Variants in CCSER1 observed in about 807,000 individuals in gnomAD.
CCSER1 encodes coiled-coil serine rich protein 1.
In CCSER1, 41 loss-of-function variants were observed where a neutral mutation model predicts 82.0. The observed-to-expected ratio is 0.50, with a 90% confidence interval of 0.39 to 0.65. CCSER1 has a LOEUF of 0.65. Ranked by LOEUF, CCSER1 falls within the 30% of genes least tolerant of loss-of-function variation. CCSER1 has a pLI of 0.00. For missense variants in CCSER1, 1,119 were observed against 1,064.2 expected (o/e 1.05, Z -0.72); for synonymous variants, 414 against 383.9 (o/e 1.08, Z -0.92).
chr4:90,181,712 G>A (rs930114824), intron 1 of CCSER1, among the ~76,000 whole-genome samples: 3 of 152,226 alleles, frequency 2.0e-5, no homozygotes, highest in South Asian at 2.1e-4. Context: ...CCCAGTAATT[G>A]CCAGCCTGAA....
At chr4:90,291,171 C>T (rs1341790016) in intron 1 of CCSER1, among the ~76,000 whole-genome samples, 2 of 151,928 alleles carry the variant, frequency 1.3e-5, no homozygotes, top group Non-Finnish European at 2.9e-5. Flanking sequence ...CAGTGAGAGT[C>T]TCTGCTTTTA....
At chr4:90,845,460 G>C (rs17248550) in intron 8 of CCSER1, among the ~76,000 whole-genome samples, 1 of 150,990 alleles carries the variant, frequency 6.6e-6, no homozygotes, top group Non-Finnish European at 1.5e-5. Flanking sequence ...TAATAAATTT[G>C]CCCTTTCTCC....
At chr4:90,308,203 G>T (rs1371801719) in intron 1 of CCSER1, 41 bp from the exon 2 acceptor site, 101 of 1,345,746 alleles carry the variant, frequency 7.5e-5, no homozygotes, top group Non-Finnish European at 9.7e-5. Flanking sequence ...ATTTGTAGTT[G>T]AATTCTATTG....
chr4:90,573,563 C>A (rs58670135), intron 5 of CCSER1, among the ~76,000 whole-genome samples: 4,083 of 152,156 alleles, frequency 0.027, 137 homozygotes, highest in South Asian at 0.087. Context: ...TGAGTGTTTT[C>A]TTATTATTTT....
At position 91,470,491 on chromosome 4, in the gene CCSER1, G is replaced by A. The variant is rs543702328; in HGVS notation, c.2218-128081G>A. Among the ~76,000 whole-genome samples, 6 of 151,616 alleles carry A rather than the reference G, an allele frequency of 4.0e-5. No individual in the cohort carries two copies. The South Asian group carries it at 6.2e-4, about 16-fold the overall frequency. On this transcript the variant is annotated intron_variant, in intron 10 of 10. Coordinates refer to ENST00000509176, the MANE Select transcript of CCSER1 (RefSeq NM_001145065.2). ...AGATCCAGTGTGTGCTGCTTTATAC[G>A]TAGCAGACTGGGGATGACACGTATA...
chr4:90,331,185 AT>A (rs746144681), intron 3 of CCSER1, among the ~76,000 whole-genome samples: 11 of 152,066 alleles, frequency 7.2e-5, no homozygotes, highest in Admixed American at 4.6e-4. Flanking sequence ...CACTAAAAAT[AT>A]TTTTTTCTTT....
intron 5 of CCSER1, among the ~76,000 whole-genome samples, chr4:90,616,732 CACACACAAATAAAAT>C (rs1476347811): frequency 1.8e-3 from 139 of 75,982 alleles, no homozygotes; most frequent in African/African-American, 7.0e-3. Context: ...CACACACACA[CACACACAAATAAAAT>C]AAAATAAAAG....
intron 3 of CCSER1, among the ~76,000 whole-genome samples, chr4:90,343,677 G>A (rs1413525298): frequency 1.3e-5 from 2 of 152,104 alleles, no homozygotes; most frequent in African/African-American, 4.8e-5. Context: ...GGACTTTGGT[G>A]TATTCTCACA....
chr4:90,374,576 A>G (rs1342648424), intron 3 of CCSER1, among the ~76,000 whole-genome samples: 1 of 152,148 alleles, frequency 6.6e-6, no homozygotes. Context: ...GATGCATTAT[A>G]TGCTCATACT....
At chr4:90,753,633 C>T (rs549768371) in intron 7 of CCSER1, among the ~76,000 whole-genome samples, 2 of 152,154 alleles carry the variant, frequency 1.3e-5, no homozygotes, top group East Asian at 1.9e-4. Flanking sequence ...TTTCTTTGTT[C>T]CCACTCTTGT....
At chr4:91,307,357 G>T (rs537933195) in intron 10 of CCSER1, among the ~76,000 whole-genome samples, 1 of 66,248 alleles carries the variant, frequency 1.5e-5, no homozygotes, top group South Asian at 4.4e-4. Flanking sequence ...CTTTTTCTAT[G>T]ATGCTTTTTT....
chr4:90,796,403 C>T (rs1756035320), intron 7 of CCSER1, among the ~76,000 whole-genome samples: 1 of 122,640 alleles, frequency 8.2e-6, no homozygotes. Context: ...AGTGGTATAT[C>T]TATTGTACTA....
intron 10 of CCSER1, among the ~76,000 whole-genome samples, chr4:91,559,774 T>G (rs914957512): frequency 7.4e-6 from 1 of 135,296 alleles, no homozygotes; most frequent in Non-Finnish European, 1.6e-5. Context: ...AAAATTATAT[T>G]TATTTTTTCT....
At chr4:91,149,632 A>G (rs1370904051) in intron 10 of CCSER1, among the ~76,000 whole-genome samples, 2 of 152,140 alleles carry the variant, frequency 1.3e-5, no homozygotes, top group African/African-American at 4.8e-5. Flanking sequence ...GAAGTCTTTA[A>G]TTCATCTTGA....
At chr4:90,243,696 T>C (rs963852260) in intron 1 of CCSER1, among the ~76,000 whole-genome samples, 1 of 152,168 alleles carries the variant, frequency 6.6e-6, no homozygotes, top group African/African-American at 2.4e-5. Context: ...CCTCAGCTGG[T>C]AATTTCCATT....
At chr4:91,561,740 T>G (rs1762659947) in intron 10 of CCSER1, among the ~76,000 whole-genome samples, 1 of 151,436 alleles carries the variant, frequency 6.6e-6, no homozygotes, top group South Asian at 2.1e-4. Context: ...AAAATGGATT[T>G]AAACTCTTGC....
intron 6 of CCSER1, among the ~76,000 whole-genome samples, chr4:90,645,804 G>T (rs1011516702): frequency 2.0e-5 from 3 of 151,990 alleles, no homozygotes; most frequent in Admixed American, 2.0e-4. Context: ...ATACTGGAAG[G>T]CTCATTTGCT....
chr4:91,382,339 C>T (rs1052516335), intron 10 of CCSER1, among the ~76,000 whole-genome samples: 8 of 152,214 alleles, frequency 5.3e-5, no homozygotes, highest in Admixed American at 5.2e-4. Context: ...CCTCCTTCAG[C>T]TGCAGTGAGT....
Position 91,522,480 on chromosome 4 carries a change from C to T in CCSER1, c.2218-76092C>T, listed in dbSNP as rs559582600. ...ACCTTGGGCAGTATGGCCATTTTCA[C>T]GATATTGATTCTTCCTATCCATGAG... On this transcript the variant is annotated intron_variant, in intron 10 of 10. Transcript: ENST00000509176. Among the ~76,000 whole-genome samples, 18 of 152,246 alleles carry T rather than the reference C, an allele frequency of 1.2e-4. 1 individual carries two copies. Among genetic ancestry groups the T allele is most frequent in the Admixed American group, 3.9e-4 (6 of 15,294 alleles).
Sources: gnomAD v4.1 joint callset for allele counts (sites outside exome capture counted in the v4.1 genomes callset) on GRCh38, gnomAD v4.1.1 for gene constraint, MANE v1.5 for transcripts, NCBI Gene and HGNC (gene_info 2026-07-23, HGNC 2026-07-21) for gene names.